Variants in FILIP1 observed in about 807,000 individuals in gnomAD.
FILIP1 encodes the protein filamin-A-interacting protein 1.
Under a neutral mutation model 102.1 loss-of-function variants are expected in FILIP1, and 61 were observed. That is an observed-to-expected ratio of 0.60 (90% CI 0.49 to 0.74). The LOEUF (loss-of-function observed/expected upper bound fraction) is 0.74, where lower values mean the gene tolerates loss of function less well. Among genes scored for constraint, FILIP1 ranks in the 30% least tolerant of loss-of-function variants. The pLI is 0.00. For missense variants in FILIP1, 1,314 were observed against 1,441.2 expected (o/e 0.91, Z 1.43); for synonymous variants, 491 against 526.9 (o/e 0.93, Z 0.93).
intron 1 of FILIP1, among the ~76,000 whole-genome samples, chr6:75,481,405 T>C (rs1275210530): frequency 6.6e-6 from 1 of 152,336 alleles, no homozygotes; most frequent in Admixed American, 6.5e-5. Context: ...TTAGTTGTTT[T>C]GACATTGTAT....
chr6:75,381,892 A>T (rs1393327217), intron 2 of FILIP1, among the ~76,000 whole-genome samples: 1 of 152,242 alleles, frequency 6.6e-6, no homozygotes, highest in Admixed American at 6.5e-5. Flanking sequence ...CTTGACCAAG[A>T]TCCCATCATT....
intron 4 of FILIP1, among the ~76,000 whole-genome samples, chr6:75,328,724 G>A (rs1305496621): frequency 6.6e-6 from 1 of 151,818 alleles, no homozygotes; most frequent in Non-Finnish European, 1.5e-5. Flanking sequence ...CTGGCCTCAA[G>A]TGAGCCACCC....
intron 2 of FILIP1, among the ~76,000 whole-genome samples, chr6:75,382,032 T>C (rs904619128): frequency 6.6e-5 from 10 of 152,366 alleles, no homozygotes; most frequent in Admixed American, 2.0e-4. Context: ...GGAACAAAAC[T>C]CACTGGGTAA....
intron 1 of FILIP1, among the ~76,000 whole-genome samples, chr6:75,439,927 A>C (rs1252854649): frequency 2.6e-5 from 4 of 152,246 alleles, no homozygotes; most frequent in Non-Finnish European, 5.9e-5. Context: ...TTTCTTGAGA[A>C]TCTATTAAAG....
chr6:75,369,714 C>T (rs1207984068), intron 2 of FILIP1, among the ~76,000 whole-genome samples: 1 of 152,182 alleles, frequency 6.6e-6, no homozygotes, highest in Non-Finnish European at 1.5e-5. Flanking sequence ...CATGGTGCAT[C>T]TTCTTTTAGC....
chr6:75,477,020 A>G (rs1177309806), intron 1 of FILIP1, among the ~76,000 whole-genome samples: 2 of 152,228 alleles, frequency 1.3e-5, no homozygotes, highest in Non-Finnish European at 2.9e-5. Flanking sequence ...TTGATAATAC[A>G]TATTGAGTTC....
chr6:75,466,681 C>T (rs1294633359), intron 1 of FILIP1, among the ~76,000 whole-genome samples: 1 of 152,172 alleles, frequency 6.6e-6, no homozygotes, highest in African/African-American at 2.4e-5. Context: ...ATTAAGAGAT[C>T]AACTAGGTCG....
chr6:75,427,847 T>C (rs1777679204), intron 1 of FILIP1, among the ~76,000 whole-genome samples: 1 of 152,132 alleles, frequency 6.6e-6, no homozygotes, highest in African/African-American at 2.4e-5. Context: ...CAGAATGGTG[T>C]TGAGAAATCA....
At chr6:75,379,420 A>C (rs1056614650) in intron 2 of FILIP1, among the ~76,000 whole-genome samples, 1 of 152,238 alleles carries the variant, frequency 6.6e-6, no homozygotes, top group Non-Finnish European at 1.5e-5. Flanking sequence ...GAGACAGAAA[A>C]AGACAGAGAG....
chr6:75,427,168 A>G (rs1295293074), intron 1 of FILIP1, among the ~76,000 whole-genome samples: 4 of 152,194 alleles, frequency 2.6e-5, no homozygotes, highest in Non-Finnish European at 4.4e-5. Flanking sequence ...TAATAACAAC[A>G]AAATAATCAC....
chr6:75,292,531 A>G (rs985746852), exon 7 of FILIP1: 4 of 152,246 alleles, frequency 2.6e-5, no homozygotes, highest in Admixed American at 6.5e-5. Flanking sequence ...ACTAATGGTT[A>G]CTAGGCCAAA....
At chr6:75,309,323 G>A (rs13217015) in intron 5 of FILIP1, among the ~76,000 whole-genome samples, 8,448 of 152,088 alleles carry the variant, frequency 0.056, 320 homozygotes, top group Non-Finnish European at 0.079. Context: ...CAGAATCTTC[G>A]CATGTTATTG....
intron 3 of FILIP1, among the ~76,000 whole-genome samples, chr6:75,355,638 G>C (rs1774968244): frequency 6.6e-6 from 1 of 152,018 alleles, no homozygotes; most frequent in Non-Finnish European, 1.5e-5. Context: ...CCTGACCTCA[G>C]GTGATCCACC....
chr6:75,356,823 G>A (rs1775019640), intron 3 of FILIP1, among the ~76,000 whole-genome samples: 1 of 152,094 alleles, frequency 6.6e-6, no homozygotes, highest in South Asian at 2.1e-4. Context: ...CATTGTAATA[G>A]CTCCATTCTC....
intron 1 of FILIP1, among the ~76,000 whole-genome samples, chr6:75,433,029 A>G (rs949456861): frequency 6.6e-6 from 1 of 152,196 alleles, no homozygotes; most frequent in African/African-American, 2.4e-5. Flanking sequence ...ATGGCTGCAT[A>G]GTATTCCATG....
At position 75,314,066 on chromosome 6, in the gene FILIP1, A is replaced by G; in HGVS notation, c.1766T>C (p.Leu589Ser). The G allele has an allele frequency of 3.3e-6, 5 of 1,508,758 alleles. No homozygotes were observed. Among genetic ancestry groups the G allele is most frequent in the Non-Finnish European group, 4.4e-6 (5 of 1,136,942 alleles). 93.5% of individuals were successfully genotyped at this position (1,508,758 alleles called of 1,614,324 possible). A position where few individuals can be genotyped will look rare whatever the true frequency, so the allele number is the denominator to read the frequency against. The change falls in exon 5 of 6, where the codon TTA (leucine) becomes TCA (serine). Residue 589 changes from leucine to serine, a missense_variant. Physicochemically the swap from Leu to Ser is moderately radical, Grantham distance 145. Around this residue, in one of 3 missense-constraint regions of FILIP1, gnomAD observed 816 missense variants for 913.1 expected, o/e 0.89. Transcript: ENST00000237172. ...LKSEEEKSSELSCSVDLLKKR... is the reference protein window; with the variant it reads ...LKSEEEKSSESSCSVDLLKKR... Reference sequence around the variant, plus strand: ...CTTTAGTAAGTCAACACTGCAGCTTAATTCAGAGGATTTTTCTTCTTCACT... The same window carrying G: ...CTTTAGTAAGTCAACACTGCAGCTTGATTCAGAGGATTTTTCTTCTTCACT...
rs1241025704 is a variant in FILIP1 at position 75,312,649 on chromosome 6, G to T, written c.3183C>A (p.Thr1061=). 5 of 1,614,146 alleles carry T rather than the reference G, an allele frequency of 3.1e-6. No individual in the cohort carries two copies. The highest frequency in any genetic ancestry group is 1.1e-5 in the South Asian group (1 of 91,072). ...RKYNSNANII[T]TEDNKIHIHL... is the part of the protein sequence containing the mutation. ...GAATGTGAATTTTATTGTCCTCTGT[G>T]GTTATGATATTGGCATTGGAGTTGT... The change falls in exon 5 of 6, where the codon ACC becomes ACA. Residue 1061 remains threonine, a synonymous_variant. Coordinates refer to ENST00000237172, the MANE Select transcript of FILIP1 (RefSeq NM_015687.5).
chr6:75,366,334 T>G (rs1216308071), intron 2 of FILIP1, among the ~76,000 whole-genome samples: 1 of 152,238 alleles, frequency 6.6e-6, no homozygotes, highest in African/African-American at 2.4e-5. Context: ...TACTGCTGGT[T>G]TGCACAAGTT....
intron 4 of FILIP1, chr6:75,319,458 C>T: frequency 1.6e-6 from 1 of 607,916 alleles, no homozygotes; most frequent in South Asian, 1.4e-5. Flanking sequence ...TCATAATGGG[C>T]CTTGTCCGCC....
Sources: gnomAD v4.1 joint callset for allele counts (sites outside exome capture counted in the v4.1 genomes callset) on GRCh38, gnomAD v4.1.1 for gene constraint, gnomAD v4.1.1 regional missense constraint, MANE v1.5 for transcripts, NCBI Gene and HGNC (gene_info 2026-07-23, HGNC 2026-07-21) for gene names.